Variants in IL1RAPL2 observed in about 807,000 individuals in gnomAD.
IL1RAPL2 encodes interleukin 1 receptor accessory protein like 2, also known as X-linked interleukin-1 receptor accessory protein-like 2.
Under a neutral mutation model 44.1 loss-of-function variants are expected in IL1RAPL2, and 3 were observed. The ratio of observed to expected loss-of-function variants is 0.07; its 90% CI spans 0.03 to 0.18. The LOEUF is 0.18. Among genes scored for constraint, IL1RAPL2 ranks in the 10% least tolerant of loss-of-function variants. The pLI, the probability that IL1RAPL2 is intolerant of heterozygous loss-of-function variation, is 1.00. For missense variants in IL1RAPL2, 391 were observed against 496.4 expected, an observed-to-expected ratio of 0.79 and a Z score of 2.02; for synonymous variants, 181 against 178.8, an observed-to-expected ratio of 1.01 and a Z score of -0.10.
At chrX:104,871,743 A>T (rs1247241534) in intron 2 of IL1RAPL2, among the ~76,000 whole-genome samples, 1 of 111,867 alleles carries the variant, frequency 8.9e-6, no homozygotes, top group Non-Finnish European at 1.9e-5. Flanking sequence ...CAAAATATTG[A>T]TGTGGATGAT....
At chrX:105,224,294 G>T (rs1419332588) in intron 3 of IL1RAPL2, among the ~76,000 whole-genome samples, 1 of 111,766 alleles carries the variant, frequency 8.9e-6, no homozygotes, top group African/African-American at 3.3e-5. Context: ...TTCATATAAT[G>T]CACAGAGGTT....
intron 5 of IL1RAPL2, among the ~76,000 whole-genome samples, chrX:105,345,028 G>T (rs1394660143): frequency 9.0e-6 from 1 of 111,348 alleles, no homozygotes. Flanking sequence ...TGCAAAATTG[G>T]ATATCTTGTT....
At chrX:104,738,983 C>T (rs952867338) in intron 2 of IL1RAPL2, among the ~76,000 whole-genome samples, 3 of 111,218 alleles carry the variant, frequency 2.7e-5, no homozygotes, top group East Asian at 2.9e-4. Context: ...TGTCTGATAC[C>T]GAGAATGATG....
At chrX:104,678,495 C>A (rs1930829452) in intron 2 of IL1RAPL2, among the ~76,000 whole-genome samples, 1 of 111,896 alleles carries the variant, frequency 8.9e-6, no homozygotes, top group South Asian at 3.8e-4. Flanking sequence ...TATAGAGCCA[C>A]TGCATCTCAT....
chrX:105,621,055 G>T (rs2147831083), intron 6 of IL1RAPL2, among the ~76,000 whole-genome samples: 1 of 111,171 alleles, frequency 9.0e-6, no homozygotes, highest in East Asian at 2.9e-4. Flanking sequence ...AAGCTGAGGA[G>T]ATTTATTTGA....
At chrX:105,453,228 G>A (rs957821724) in intron 5 of IL1RAPL2, among the ~76,000 whole-genome samples, 1 of 111,997 alleles carries the variant, frequency 8.9e-6, no homozygotes, top group African/African-American at 3.2e-5. Context: ...AGCACACACA[G>A]AATCTTCCAC....
At chrX:104,653,960 G>T (rs1441408346) in intron 1 of IL1RAPL2, among the ~76,000 whole-genome samples, 1 of 110,169 alleles carries the variant, frequency 9.1e-6, no homozygotes, top group African/African-American at 3.3e-5. Context: ...CTTATATTCC[G>T]ATTATTTTAA....
chrX:104,621,319 A>G (rs1929394502), intron 1 of IL1RAPL2, among the ~76,000 whole-genome samples: 2 of 108,616 alleles, frequency 1.8e-5, no homozygotes, highest in Non-Finnish European at 3.8e-5. Context: ...ATATAATATT[A>G]CATCTCAGCA....
At chrX:104,645,930 T>C (rs1003269657) in intron 1 of IL1RAPL2, among the ~76,000 whole-genome samples, 3 of 112,567 alleles carry the variant, frequency 2.7e-5, no homozygotes, top group Non-Finnish European at 3.8e-5. Flanking sequence ...GTTAAATGGA[T>C]TTTAGTATAG....
intron 6 of IL1RAPL2, among the ~76,000 whole-genome samples, chrX:105,708,960 T>C (rs1460078255): frequency 8.9e-6 from 1 of 112,461 alleles, no homozygotes; most frequent in Non-Finnish European, 1.9e-5. Flanking sequence ...TTTGCAACTA[T>C]ATGCACATTT....
At chrX:104,635,843 C>T (rs780097422) in intron 1 of IL1RAPL2, among the ~76,000 whole-genome samples, 8 of 112,182 alleles carry the variant, frequency 7.1e-5, no homozygotes, top group East Asian at 2.8e-4. Context: ...TCTCTCAACT[C>T]GTCAAAGTCA....
In IL1RAPL2 at chrX:105,640,662, A is replaced by G. The variant is rs998622847; in HGVS notation, c.773-76705A>G. 3.2e-3 allele frequency among the ~76,000 whole-genome samples: 234 copies of G among 72,495 alleles called. 1 individual carries two copies. Among genetic ancestry groups the G allele is most frequent in the Non-Finnish European group, 4.1e-3 (182 of 44,553 alleles). 63.0% of individuals were successfully genotyped at this position (72,495 alleles called of 115,157 possible). A position where few individuals can be genotyped will look rare whatever the true frequency, so the allele number is the denominator to read the frequency against. On this transcript the variant is annotated intron_variant, in intron 6 of 10. Coordinates refer to ENST00000372582, the MANE Select transcript of IL1RAPL2 (RefSeq NM_017416.2). Reference sequence around the variant, plus strand: ...AAATTATGTATGTGTGTGTATATATATATATATATATATATATATATATAT... The same window carrying G: ...AAATTATGTATGTGTGTGTATATATGTATATATATATATATATATATATAT...
intron 6 of IL1RAPL2, among the ~76,000 whole-genome samples, chrX:105,491,429 A>AT (rs756910342): frequency 1.7e-3 from 188 of 111,699 alleles, no homozygotes; most frequent in African/African-American, 5.7e-3. Context: ...GATTTTTTAA[A>AT]TTTTTTATAT....
chrX:104,950,512 CG>C (rs1003113914), intron 2 of IL1RAPL2, among the ~76,000 whole-genome samples: 3 of 112,359 alleles, frequency 2.7e-5, no homozygotes, highest in Non-Finnish European at 5.6e-5. Context: ...TTTCGAGCTT[CG>C]GGGCTGCTTT....
chrX:104,842,106 AATCTTGTC>A (rs1325983344), intron 2 of IL1RAPL2, among the ~76,000 whole-genome samples: 1 of 107,404 alleles, frequency 9.3e-6, no homozygotes, highest in Non-Finnish European at 1.9e-5. Context: ...TTTTTTCTTT[AATCTTGTC>A]TACATGCCTT....
intron 2 of IL1RAPL2, among the ~76,000 whole-genome samples, chrX:104,718,403 C>T (rs1931617840): frequency 9.0e-6 from 1 of 110,930 alleles, no homozygotes; most frequent in Non-Finnish European, 1.9e-5. Flanking sequence ...GGCTCTGTGT[C>T]CCCACCCATA....
intron 5 of IL1RAPL2, among the ~76,000 whole-genome samples, chrX:105,473,601 C>T (rs978365287): frequency 1.8e-5 from 2 of 112,168 alleles, no homozygotes; most frequent in Non-Finnish European, 1.9e-5. Flanking sequence ...ATCCAAACAA[C>T]TGAACTTAAG....
At chrX:105,765,822 G>C (rs1415629753) in intron 10 of IL1RAPL2, among the ~76,000 whole-genome samples, 1 of 112,628 alleles carries the variant, frequency 8.9e-6, no homozygotes, top group Non-Finnish European at 1.9e-5. Context: ...CCCACAATAT[G>C]TGCTGAATGT....
intron 2 of IL1RAPL2, among the ~76,000 whole-genome samples, chrX:104,955,333 T>A (rs1371820931): frequency 9.1e-6 from 1 of 110,204 alleles, no homozygotes; most frequent in Non-Finnish European, 1.9e-5. Flanking sequence ...CTTCAGGGGA[T>A]ATAAGGGAAG....
Sources: allele counts gnomAD v4.1 joint callset (sites outside exome capture counted in the v4.1 genomes callset), GRCh38; gene constraint gnomAD v4.1.1; transcripts MANE v1.5; gene names NCBI Gene and HGNC (gene_info 2026-07-23, HGNC 2026-07-21).